MLLT3: variants seen among roughly 807,000 people sequenced by gnomAD.
The protein encoded by MLLT3 is MLLT3 super elongation complex subunit.
A neutral mutation model predicts 53.2 loss-of-function variants in MLLT3; 4 were observed. The observed-to-expected ratio is 0.08, with a 90% CI of 0.04 to 0.17. The LOEUF is 0.17. Among genes scored for constraint, MLLT3 ranks in the 10% least tolerant of loss-of-function variants. MLLT3 has a pLI of 1.00. For synonymous variants in MLLT3, 283 were observed against 230.6 expected, an observed-to-expected ratio of 1.23 and a Z score of -2.06; for missense variants, 569 against 684.0, an observed-to-expected ratio of 0.83 and a Z score of 1.87.
At chr9:20,576,045 G>C (rs1239832527) in intron 2 of MLLT3, among the ~76,000 whole-genome samples, 1 of 152,180 alleles carries the variant, frequency 6.6e-6, no homozygotes, top group Non-Finnish European at 1.5e-5. Flanking sequence ...ATCTTAGCTA[G>C]ATCTTCTGGA....
chr9:20,490,218 G>A (rs1824913891), intron 2 of MLLT3, among the ~76,000 whole-genome samples: 1 of 152,188 alleles, frequency 6.6e-6, no homozygotes. Context: ...AGGTACTATT[G>A]TGAAGGGATT....
At chr9:20,582,085 T>C (rs1819807115) in intron 2 of MLLT3, among the ~76,000 whole-genome samples, 1 of 152,212 alleles carries the variant, frequency 6.6e-6, no homozygotes, top group African/African-American at 2.4e-5. Context: ...AAAGCAGTTT[T>C]AGGTTTCAGA....
intron 4 of MLLT3, among the ~76,000 whole-genome samples, chr9:20,422,661 T>C (rs141948118): frequency 6.6e-6 from 1 of 152,208 alleles, no homozygotes; most frequent in Non-Finnish European, 1.5e-5. Context: ...TACCTGACTA[T>C]GAATTCTGAC....
At chr9:20,565,972 A>ATC (rs1819358450) in intron 2 of MLLT3, among the ~76,000 whole-genome samples, 1 of 20,028 alleles carries the variant, frequency 5.0e-5, no homozygotes, top group African/African-American at 1.4e-4. Flanking sequence ...ATATATTTAT[A>ATC]TATATATATA....
intron 2 of MLLT3, among the ~76,000 whole-genome samples, chr9:20,575,050 T>C (rs369949074): frequency 6.6e-6 from 1 of 152,222 alleles, no homozygotes; most frequent in African/African-American, 2.4e-5. Flanking sequence ...AATTTTATCA[T>C]GAGATTGCAG....
chr9:20,607,144 T>C (rs935152974), intron 2 of MLLT3, among the ~76,000 whole-genome samples: 1 of 152,112 alleles, frequency 6.6e-6, no homozygotes, highest in Non-Finnish European at 1.5e-5. Flanking sequence ...CAATTTGGAA[T>C]CTCTTTGCAA....
At chr9:20,454,290 A>G (rs1319767471) in intron 3 of MLLT3, among the ~76,000 whole-genome samples, 1 of 151,918 alleles carries the variant, frequency 6.6e-6, no homozygotes, top group Non-Finnish European at 1.5e-5. Context: ...CGCGTATGGT[A>G]GGGAGTGATA....
chr9:20,477,292 T>C (rs1164843453), intron 2 of MLLT3, among the ~76,000 whole-genome samples: 1 of 152,200 alleles, frequency 6.6e-6, no homozygotes, highest in Non-Finnish European at 1.5e-5. Flanking sequence ...TCTTTTTTCT[T>C]TCTTTGTAAG....
At chr9:20,533,981 T>TA (rs1818411762) in intron 2 of MLLT3, among the ~76,000 whole-genome samples, 1 of 152,212 alleles carries the variant, frequency 6.6e-6, no homozygotes, top group Non-Finnish European at 1.5e-5. Flanking sequence ...TGGATGGTGA[T>TA]GGATATGTGA....
intron 2 of MLLT3, among the ~76,000 whole-genome samples, chr9:20,542,630 T>C (rs948276721): frequency 1.3e-5 from 2 of 152,182 alleles, no homozygotes; most frequent in Non-Finnish European, 2.9e-5. Context: ...AGTAAACAGA[T>C]GTGCTGTCAT....
intron 2 of MLLT3, among the ~76,000 whole-genome samples, chr9:20,520,292 C>G (rs1818025471): frequency 6.6e-6 from 1 of 151,932 alleles, no homozygotes; most frequent in African/African-American, 2.4e-5. Context: ...TACAACAAAC[C>G]TCTATGACAC....
intron 4 of MLLT3, among the ~76,000 whole-genome samples, chr9:20,445,162 GCTGT>G (rs1260939834): frequency 6.6e-6 from 1 of 152,034 alleles, no homozygotes; most frequent in Non-Finnish European, 1.5e-5. Context: ...GCTCCCATGA[GCTGT>G]CTAATTTAGA....
At chr9:20,356,193 A>T (rs1465125053) in intron 8 of MLLT3, among the ~76,000 whole-genome samples, 1 of 152,206 alleles carries the variant, frequency 6.6e-6, no homozygotes, top group African/African-American at 2.4e-5. Context: ...AATTGAGAAT[A>T]ATGCACGAGT....
intron 2 of MLLT3, among the ~76,000 whole-genome samples, chr9:20,477,528 G>A (rs1824554868): frequency 6.6e-6 from 1 of 152,050 alleles, no homozygotes; most frequent in Non-Finnish European, 1.5e-5. Context: ...CTTTATGTGA[G>A]CTTACTGTCC....
At chr9:20,366,560 C>A (rs897716654) in intron 5 of MLLT3, among the ~76,000 whole-genome samples, 3 of 152,092 alleles carry the variant, frequency 2.0e-5, no homozygotes, top group East Asian at 1.9e-4. Flanking sequence ...GTATATACCC[C>A]ATAATGTGAT....
intron 2 of MLLT3, among the ~76,000 whole-genome samples, chr9:20,537,886 T>A (rs772079193): frequency 1.3e-5 from 2 of 152,240 alleles, no homozygotes; most frequent in Non-Finnish European, 2.9e-5. Flanking sequence ...ATCTTCATCT[T>A]AGCCTAGGTT....
At chr9:20,524,507 C>G (rs988673944) in intron 2 of MLLT3, among the ~76,000 whole-genome samples, 1 of 151,134 alleles carries the variant, frequency 6.6e-6, no homozygotes, top group African/African-American at 2.5e-5. Context: ...ATAACGGTGA[C>G]TAACGAAAAA....
chr9:20,501,972 T>G (rs1172489659), intron 2 of MLLT3, among the ~76,000 whole-genome samples: 4 of 147,496 alleles, frequency 2.7e-5, no homozygotes, highest in Admixed American at 6.9e-5. Flanking sequence ...TCCCAGCTAC[T>G]GGGGAGGCTA....
chr9:20,527,134 C>G (rs910926218), intron 2 of MLLT3, among the ~76,000 whole-genome samples: 2 of 151,978 alleles, frequency 1.3e-5, no homozygotes, highest in Non-Finnish European at 2.9e-5. Flanking sequence ...ATGTAACCAG[C>G]CTATGAGTGT....
Sources: allele counts gnomAD v4.1 joint callset (sites outside exome capture counted in the v4.1 genomes callset), GRCh38; gene constraint gnomAD v4.1.1; transcripts MANE v1.5; gene names NCBI Gene and HGNC (gene_info 2026-07-23, HGNC 2026-07-21).